The following UNC5D variants were observed in gnomAD, a reference collection of about 807,000 sequenced individuals.
UNC5D encodes unc-5 netrin receptor D, also known as netrin receptor UNC5D.
Under a neutral mutation model 105.4 loss-of-function variants are expected in UNC5D, and 39 were observed. That is an observed-to-expected ratio of 0.37 (90% confidence interval 0.29 to 0.48). The LOEUF is 0.48. Ranked by LOEUF, UNC5D falls within the 20% of genes least tolerant of loss-of-function variation. The probability of loss-of-function intolerance (pLI) is 0.98; values close to 1 mark genes in which losing one functional copy is unlikely to be tolerated. For missense variants in UNC5D, 991 were observed against 1,202.4 expected (o/e 0.82, Z 2.60); for synonymous variants, 452 against 450.4 (o/e 1.00, Z -0.04).
In UNC5D at chr8:35,697,282, C is replaced by T. The variant is rs191216853; in HGVS notation, c.1085-8647C>T. Among the ~76,000 whole-genome samples the T allele has an allele frequency of 4.1e-4, 61 of 149,404 alleles. No homozygotes were observed. The East Asian group carries it at 0.011, about 27-fold the overall frequency. Reference sequence around the variant, plus strand: ...CACACATATTAAACATATATATACACATATATATAATATGAAAATAACACC... The same window carrying T: ...CACACATATTAAACATATATATACATATATATATAATATGAAAATAACACC... On this transcript the variant is annotated intron_variant, in intron 7 of 16. Coordinates refer to ENST00000404895, the MANE Select transcript of UNC5D (RefSeq NM_080872.4).
At chr8:35,246,070 G>A (rs1803075142) in intron 1 of UNC5D, among the ~76,000 whole-genome samples, 1 of 151,978 alleles carries the variant, frequency 6.6e-6, no homozygotes, top group Non-Finnish European at 1.5e-5. Context: ...AAGCAATGTG[G>A]GGGGCTAGAA....
chr8:35,607,554 C>G (rs762718149), intron 4 of UNC5D, among the ~76,000 whole-genome samples: 11 of 152,154 alleles, frequency 7.2e-5, no homozygotes, highest in Non-Finnish European at 1.5e-4. Flanking sequence ...TGTAATCCCC[C>G]ATAATCCCCA....
At chr8:35,272,347 T>G (rs1805467757) in intron 1 of UNC5D, among the ~76,000 whole-genome samples, 1 of 152,136 alleles carries the variant, frequency 6.6e-6, no homozygotes, top group African/African-American at 2.4e-5. Flanking sequence ...GCAGACCAGC[T>G]TGCGGGAAGT....
At chr8:35,781,647 A>G (rs1802507519) in intron 16 of UNC5D, among the ~76,000 whole-genome samples, 1 of 152,248 alleles carries the variant, frequency 6.6e-6, no homozygotes, top group East Asian at 1.9e-4. Context: ...GAATGATTGT[A>G]TCTAATTTAT....
rs183079073 is a variant in UNC5D, at chr8:35,795,251, T to G, written c.*4688T>G. The stretch of plus-strand genomic sequence containing the variant: ...TATATTACTAAATTTGGTAAGGTAG[T>G]TCTTTGCATGAATGGGAATGTGTGT... On this transcript the variant is annotated 3_prime_UTR_variant, in exon 17 of 17. Transcript: ENST00000404895. 6.6e-6 allele frequency: 1 copy of G among 152,172 alleles called. No homozygotes were observed. Among genetic ancestry groups the G allele is most frequent in the Admixed American group, 6.6e-5 (1 of 15,266 alleles). The allele number at this position is 152,172 out of a possible 1,614,324, so 9.4% of individuals were successfully genotyped here.
chr8:35,757,053 TATC>T (rs1319739864), intron 13 of UNC5D, among the ~76,000 whole-genome samples: 3 of 152,054 alleles, frequency 2.0e-5, no homozygotes, highest in Non-Finnish European at 4.4e-5. Flanking sequence ...GTTAATATAT[TATC>T]ATATTAATTA....
chr8:35,242,211 G>A (rs181628441), intron 1 of UNC5D, among the ~76,000 whole-genome samples: 6 of 152,252 alleles, frequency 3.9e-5, no homozygotes, highest in African/African-American at 7.2e-5. Context: ...CTGTAACCAC[G>A]TGGGATTTGA....
At chr8:35,250,828 CA>C (rs1475836777) in intron 1 of UNC5D, among the ~76,000 whole-genome samples, 1 of 152,056 alleles carries the variant, frequency 6.6e-6, no homozygotes, top group Non-Finnish European at 1.5e-5. Context: ...CTCCTTCCCC[CA>C]CTCTAGTAGT....
Position 35,791,722 on chromosome 8 carries a change from C to G in UNC5D, c.*1159C>G, listed in dbSNP as rs1803053401. 6.6e-6 allele frequency: 1 copy of G among 152,070 alleles called. No individual in the cohort carries two copies. Among genetic ancestry groups the G allele is most frequent in the African/African-American group, 2.4e-5 (1 of 41,416 alleles). The allele number at this position is 152,070 out of a possible 1,614,324, so 9.4% of individuals were successfully genotyped here. A position where few individuals can be genotyped will look rare whatever the true frequency, so the allele number is the denominator to read the frequency against. ...CTTGAGGAATCCTCTACCACAGTGT[C>G]CCTGAAACCACATGCATCATTCAGG... is the stretch of plus-strand genomic sequence containing the variant. On this transcript the variant is annotated 3_prime_UTR_variant, in exon 17 of 17. Transcript: ENST00000404895.
intron 1 of UNC5D, among the ~76,000 whole-genome samples, chr8:35,411,652 C>T (rs1009956650): frequency 1.3e-5 from 2 of 152,036 alleles, no homozygotes; most frequent in African/African-American, 2.4e-5. Flanking sequence ...AAACCACAAC[C>T]TCATCATTCT....
chr8:35,774,350 G>T lies in UNC5D; in HGVS notation c.2530G>T (p.Ala844Ser). ...FFAQEDSTFP[A>S]QTGPKAFKIP... is the part of the protein sequence containing the mutation. Reference sequence around the variant, plus strand: ...CGCACAAGAGGACAGCACTTTCCCTGCACAGACTGGCCCCAAAGCCTTCAA... The same window carrying T: ...CGCACAAGAGGACAGCACTTTCCCTTCACAGACTGGCCCCAAAGCCTTCAA... Residue 844 changes from alanine to serine, a missense_variant, in exon 16 of 17, where the codon GCA becomes TCA. Transcript: ENST00000404895. The T allele has an allele frequency of 6.2e-7, 1 of 1,614,074 alleles. No homozygotes were observed. The highest frequency in any genetic ancestry group is 2.2e-5 in the East Asian group (1 of 44,858).
At chr8:35,371,416 G>A (rs990284275) in intron 1 of UNC5D, among the ~76,000 whole-genome samples, 16 of 152,050 alleles carry the variant, frequency 1.1e-4, no homozygotes, top group African/African-American at 3.6e-4. Context: ...ATGATATTCT[G>A]TATTTTGGTT....
chr8:35,338,957 G>C (rs1364003735), intron 1 of UNC5D, among the ~76,000 whole-genome samples: 1 of 151,980 alleles, frequency 6.6e-6, no homozygotes, highest in Non-Finnish European at 1.5e-5. Context: ...CACTCATTTA[G>C]GGCATTGTAG....
At chr8:35,308,166 T>C (rs1808588678) in intron 1 of UNC5D, among the ~76,000 whole-genome samples, 1 of 148,970 alleles carries the variant, frequency 6.7e-6, no homozygotes, top group Admixed American at 6.8e-5. Flanking sequence ...GTAAATATAA[T>C]CTTAGAGGTG....
chr8:35,791,082 C>A lies in UNC5D; in HGVS notation c.*519C>A. 1 of 177,860 alleles carries A rather than the reference C, an allele frequency of 5.6e-6. No homozygotes were observed. The highest frequency in any genetic ancestry group is 1.3e-4 in the South Asian group (1 of 7,798). The allele number at this position is 177,860 out of a possible 1,614,324, so 11.0% of individuals were successfully genotyped here. On this transcript the variant is annotated 3_prime_UTR_variant, in exon 17 of 17. Coordinates refer to ENST00000404895, the MANE Select transcript of UNC5D (RefSeq NM_080872.4). ...ATGACTTCAACAACGTCAAGGAGGG[C>A]ATTTAGAATTTAGAATCTGAGCACA...
chr8:35,425,691 C>G (rs1378145489), intron 1 of UNC5D, among the ~76,000 whole-genome samples: 4 of 152,196 alleles, frequency 2.6e-5, no homozygotes, highest in Non-Finnish European at 4.4e-5. Flanking sequence ...CTGTCATCCT[C>G]TGGCACCTTT....
intron 1 of UNC5D, among the ~76,000 whole-genome samples, chr8:35,491,977 A>T (rs1040721304): frequency 6.6e-6 from 1 of 152,120 alleles, no homozygotes; most frequent in African/African-American, 2.4e-5. Flanking sequence ...AAAGAGTATG[A>T]TTTGACTCGC....
At chr8:35,344,412 C>A (rs903518286) in intron 1 of UNC5D, among the ~76,000 whole-genome samples, 1 of 151,974 alleles carries the variant, frequency 6.6e-6, no homozygotes, top group Non-Finnish European at 1.5e-5. Context: ...TGTTCACCTG[C>A]ATTGGCTCAG....
chr8:35,524,730 C>T (rs71513761), intron 1 of UNC5D, among the ~76,000 whole-genome samples: 3 of 149,904 alleles, frequency 2.0e-5, no homozygotes, highest in Admixed American at 2.0e-4. Context: ...CTGGTCTCAA[C>T]TTAAGAATCA....
Sources: allele counts gnomAD v4.1 joint callset (sites outside exome capture counted in the v4.1 genomes callset), GRCh38; gene constraint gnomAD v4.1.1; transcripts MANE v1.5; gene names NCBI Gene and HGNC (gene_info 2026-07-23, HGNC 2026-07-21).